DRC4: variants seen among roughly 807,000 people sequenced by gnomAD.
DRC4 encodes the protein dynein regulatory complex subunit 4, also known as GAS-11.
chr16:90,026,922 T>C, the DRC4 span, among the ~76,000 whole-genome samples: 1 of 151,760 alleles, frequency 6.6e-6, no homozygotes, highest in East Asian at 1.9e-4. Context: ...AAGTTACAGT[T>C]TGCTTTTTGA....
At chr16:90,044,208 G>C in the DRC4 span, 11 of 453,062 alleles carry the variant, frequency 2.4e-5, no homozygotes, top group South Asian at 1.7e-4. Flanking sequence ...GGCCCAGAGA[G>C]CTGGAGTTGG....
the DRC4 span, chr16:90,043,405 C>T: frequency 6.8e-7 from 1 of 1,471,574 alleles, no homozygotes; most frequent in African/African-American, 1.4e-5. Flanking sequence ...GGATGACACC[C>T]CTTATCACAC....
the DRC4 span, chr16:90,036,590 C>A: frequency 3.1e-5 from 49 of 1,566,916 alleles, no homozygotes; most frequent in African/African-American, 5.6e-4. Flanking sequence ...CCTCAAGGTG[C>A]TGTGCGTGGG....
chr16:90,034,892 C>CTTTTTTTTTTT, the DRC4 span, among the ~76,000 whole-genome samples: 2 of 53,846 alleles, frequency 3.7e-5, 1 homozygote, highest in Admixed American at 5.2e-4. Context: ...CCCACCTAAT[C>CTTTTTTTTTTT]TTTTTTTTTT....
chr16:90,043,875 C>T, the DRC4 span: 7 of 461,860 alleles, frequency 1.5e-5, no homozygotes, highest in Middle Eastern at 3.3e-4. Flanking sequence ...AGCCAGCGTG[C>T]GGGAACGGGC....
chr16:90,022,531 C>A, the DRC4 span: 21 of 525,434 alleles, frequency 4.0e-5, 1 homozygote, highest in East Asian at 7.4e-4. Context: ...CCAACGTTCA[C>A]AACCGGGTTC....
the DRC4 span, among the ~76,000 whole-genome samples, chr16:90,041,330 T>G: frequency 0.73 from 110,816 of 151,702 alleles, 41,757 homozygotes; most frequent in African/African-American, 0.88. Flanking sequence ...CACTGTTTGC[T>G]GCTGGCCAGG....
the DRC4 span, among the ~76,000 whole-genome samples, chr16:90,025,578 A>G: frequency 7.5e-6 from 1 of 132,536 alleles, no homozygotes; most frequent in Non-Finnish European, 1.5e-5. Flanking sequence ...TGAATCCGGG[A>G]GGCGGAGGTT....
At chr16:90,043,896 C>G in the DRC4 span, 277 of 454,348 alleles carry the variant, frequency 6.1e-4, 2 homozygotes, top group East Asian at 0.015. Context: ...AGGCAGCCTC[C>G]CGCTGCCAGT....
At chr16:90,044,612 G>A in the DRC4 span, 23 of 471,178 alleles carry the variant, frequency 4.9e-5, no homozygotes, top group African/African-American at 4.4e-4. Context: ...GTGACCATCT[G>A]GGTCTGTGTA....
chr16:90,026,817 G>A, the DRC4 span, among the ~76,000 whole-genome samples: 1 of 151,660 alleles, frequency 6.6e-6, no homozygotes, highest in South Asian at 2.1e-4. Flanking sequence ...CAAAGTGCTG[G>A]GATGACACGT....
At chr16:90,044,245 G>A in the DRC4 span, 1 of 451,428 alleles carries the variant, frequency 2.2e-6, no homozygotes, top group Non-Finnish European at 4.4e-6. Flanking sequence ...TGTCAACAAA[G>A]AGGGGATGAA....
chr16:90,034,607 G>A, the DRC4 span, among the ~76,000 whole-genome samples: 4 of 152,056 alleles, frequency 2.6e-5, no homozygotes, highest in African/African-American at 9.7e-5. Flanking sequence ...GGGCGACAGT[G>A]TGAGAGTCTG....
chr16:90,029,274 G>C, the DRC4 span: 1 of 1,366,458 alleles, frequency 7.3e-7, no homozygotes, highest in Middle Eastern at 2.1e-4. Context: ...GCTTCTTCAG[G>C]GTCCAGGCAG....
At chr16:90,035,420 A>G in the DRC4 span, among the ~76,000 whole-genome samples, 1 of 151,898 alleles carries the variant, frequency 6.6e-6, no homozygotes, top group African/African-American at 2.4e-5. Context: ...GCTGCTCTTC[A>G]GGCTGTGGGA....
chr16:90,042,416 C>T, the DRC4 span: 64 of 1,535,860 alleles, frequency 4.2e-5, no homozygotes, highest in Non-Finnish European at 5.0e-5. Flanking sequence ...AGGCCGCTCC[C>T]GTTGCCTCGG....
chr16:90,044,376 C>T, the DRC4 span: 2 of 415,768 alleles, frequency 4.8e-6, no homozygotes, highest in South Asian at 1.8e-5. Flanking sequence ...CAAGTGAGCT[C>T]ACCTACCTGC....
At chr16:90,024,254 A>G in the DRC4 span, among the ~76,000 whole-genome samples, 1 of 152,054 alleles carries the variant, frequency 6.6e-6, no homozygotes, top group Admixed American at 6.6e-5. Context: ...GAGGTTGTGT[A>G]GTGGGATTTT....
At chr16:90,024,158 A>ACACACACAC in the DRC4 span, among the ~76,000 whole-genome samples, 21 of 151,210 alleles carry the variant, frequency 1.4e-4, no homozygotes, top group South Asian at 6.3e-4. Context: ...ACACACACAC[A>ACACACACAC]AAATTAGCCG....
Sources: gnomAD v4.1 joint callset for allele counts (sites outside exome capture counted in the v4.1 genomes callset) on GRCh38, gnomAD v4.1.1 for gene constraint, MANE v1.5 for transcripts, NCBI Gene and HGNC (gene_info 2026-07-23, HGNC 2026-07-21) for gene names.